The following PTPRN2 variants were observed in gnomAD, a reference collection of about 807,000 sequenced individuals.
PTPRN2 encodes receptor-type tyrosine-protein phosphatase N2.
In PTPRN2, 74 loss-of-function variants were observed where a neutral mutation model predicts 118.8. The ratio of observed to expected loss-of-function variants is 0.62; its 90% CI spans 0.52 to 0.76. The LOEUF is 0.76. Among genes scored for constraint, PTPRN2 ranks in the 30% least tolerant of loss-of-function variants. PTPRN2 has a pLI of 0.00. For synonymous variants in PTPRN2, 641 were observed against 608.0 expected, an observed-to-expected ratio of 1.05 and a Z score of -0.80; for missense variants, 1,481 against 1,394.4, an observed-to-expected ratio of 1.06 and a Z score of -0.99.
At chr7:157,643,451 C>T (rs1055917752) in intron 14 of PTPRN2, among the ~76,000 whole-genome samples, 1 of 152,242 alleles carries the variant, frequency 6.6e-6, no homozygotes, top group African/African-American at 2.4e-5. Flanking sequence ...CACTCTCTGC[C>T]TGTGTCACAA....
chr7:158,209,198 T>A (rs566012242), intron 3 of PTPRN2, among the ~76,000 whole-genome samples: 5 of 151,760 alleles, frequency 3.3e-5, no homozygotes, highest in African/African-American at 1.2e-4. Context: ...GAGTAAGTTC[T>A]TACCTATCAA....
chr7:157,674,138 G>C lies in PTPRN2; in HGVS notation c.2001+8587C>G, dbSNP rs1796546704. 6.6e-6 allele frequency among the ~76,000 whole-genome samples: 1 copy of C among 152,120 alleles called. No individual in the cohort carries two copies. The highest frequency in any genetic ancestry group is 2.4e-5 in the African/African-American group (1 of 41,416). ...CAGCTCTGGGGACCCCCACGTGTCA[G>C]CCATGGCAAAATGAACCCCCAACAC... On this transcript the variant is annotated intron_variant, in intron 13 of 22. Coordinates refer to ENST00000389418, the MANE Select transcript of PTPRN2 (RefSeq NM_002847.5). The surrounding 1 kb of genome is among the most constrained non-coding windows in gnomAD (Gnocchi z 4.5).
chr7:158,024,357 G>C (rs1015193962), intron 11 of PTPRN2, among the ~76,000 whole-genome samples: 2 of 152,182 alleles, frequency 1.3e-5, no homozygotes, highest in South Asian at 2.1e-4. Flanking sequence ...AAGAACACAG[G>C]TTCCCTGAGC....
chr7:157,541,468 C>G (rs769480107), intron 22 of PTPRN2, among the ~76,000 whole-genome samples: 2 of 152,244 alleles, frequency 1.3e-5, no homozygotes, highest in African/African-American at 2.4e-5. Context: ...GACGGGTTCA[C>G]GATGCCAGGA....
chr7:158,337,013 C>A (rs1302002938), intron 2 of PTPRN2, among the ~76,000 whole-genome samples: 2 of 101,528 alleles, frequency 2.0e-5, no homozygotes, highest in Non-Finnish European at 4.5e-5. Context: ...ACACTCTCAC[C>A]ATAAGAGCTG....
At chr7:157,802,237 G>A (rs767199129) in intron 12 of PTPRN2, among the ~76,000 whole-genome samples, 2 of 152,130 alleles carry the variant, frequency 1.3e-5, no homozygotes, top group East Asian at 1.9e-4. Context: ...GCCCCTTCCC[G>A]TGCTTCCCCC....
chr7:158,039,952 T>C (rs1808333993), intron 11 of PTPRN2, among the ~76,000 whole-genome samples: 1 of 151,938 alleles, frequency 6.6e-6, no homozygotes, highest in Non-Finnish European at 1.5e-5. Context: ...TCAAAATCAC[T>C]GTAACAGAGA....
rs766991239 is a variant in PTPRN2, at chr7:157,903,839, G to T, written c.1724-5102C>A. On this transcript the variant is annotated intron_variant, in intron 11 of 22. Transcript: ENST00000389418. This position sits in a 1 kb window ranked among gnomAD's most constrained non-coding sequence, Gnocchi z 4.2. ...GCAAGCGCTTCCCACACTTCAATCC[G>T]TCTCCCCATCCAGGCTGTGGATTTC... is the stretch of plus-strand genomic sequence containing the variant. 2.1e-4 allele frequency among the ~76,000 whole-genome samples: 32 copies of T among 152,098 alleles called. No homozygotes were observed. The highest frequency in any genetic ancestry group is 4.1e-4 in the Non-Finnish European group (28 of 68,020).
intron 18 of PTPRN2, 50 bp downstream of exon 18, chr7:157,577,971 G>T: frequency 6.6e-7 from 1 of 1,517,586 alleles, no homozygotes; most frequent in Non-Finnish European, 8.9e-7. Flanking sequence ...AGCAGGGCCC[G>T]TCCTCGTCCG....
At chr7:158,084,649 T>A (rs1022194658) in intron 10 of PTPRN2, among the ~76,000 whole-genome samples, 1 of 149,840 alleles carries the variant, frequency 6.7e-6, no homozygotes, top group Non-Finnish European at 1.5e-5. Flanking sequence ...ACGACACTCA[T>A]CCACATCCTC....
In PTPRN2 at chr7:157,831,050, C is replaced by G. The variant is rs1371445184; in HGVS notation, c.1788+67623G>C. On this transcript the variant is annotated intron_variant, in intron 12 of 22. Coordinates refer to ENST00000389418, the MANE Select transcript of PTPRN2 (RefSeq NM_002847.5). The surrounding 1 kb of genome is among the most constrained non-coding windows in gnomAD (Gnocchi z 4.8). Reference sequence around the variant, plus strand: ...ATGACTGAGAGCTCAAAGTTGGTGACTCTGGAGGAAGAGGGTGCAGGTGCT... The same window carrying G: ...ATGACTGAGAGCTCAAAGTTGGTGAGTCTGGAGGAAGAGGGTGCAGGTGCT... 1.3e-5 allele frequency among the ~76,000 whole-genome samples: 2 copies of G among 152,232 alleles called. No homozygotes were observed. Among genetic ancestry groups the G allele is most frequent in the Non-Finnish European group, 2.9e-5 (2 of 68,040 alleles).
intron 22 of PTPRN2, among the ~76,000 whole-genome samples, chr7:157,544,092 A>G (rs373114290): frequency 0.012 from 941 of 81,548 alleles, 3 homozygotes; most frequent in African/African-American, 0.023. Context: ...GAGAGAGGTG[A>G]AGAGAGGCGG....
At chr7:157,946,696 A>G (rs1233766434) in intron 11 of PTPRN2, among the ~76,000 whole-genome samples, 2 of 152,248 alleles carry the variant, frequency 1.3e-5, no homozygotes, top group Non-Finnish European at 2.9e-5. Context: ...ACTTTGAAGA[A>G]TTAAGGCAGA....
chr7:158,290,006 C>A (rs1008887493), intron 3 of PTPRN2, among the ~76,000 whole-genome samples: 6 of 152,136 alleles, frequency 3.9e-5, no homozygotes, highest in African/African-American at 1.4e-4. Flanking sequence ...GAACTTAGAG[C>A]CTGGCATCCG....
At chr7:157,919,350 G>A (rs1445808628) in intron 11 of PTPRN2, among the ~76,000 whole-genome samples, 3 of 152,142 alleles carry the variant, frequency 2.0e-5, no homozygotes, top group African/African-American at 7.2e-5. Context: ...AGAAGGAAAT[G>A]GAAACTAAAT....
intron 14 of PTPRN2, among the ~76,000 whole-genome samples, chr7:157,655,515 A>C (rs1421058062): frequency 1.3e-5 from 2 of 152,240 alleles, no homozygotes; most frequent in East Asian, 3.8e-4. Context: ...AGCAACTTAC[A>C]GGGTCCATCC....
At chr7:157,551,181 T>C (rs1403645933) in intron 21 of PTPRN2, among the ~76,000 whole-genome samples, 2 of 152,114 alleles carry the variant, frequency 1.3e-5, no homozygotes, top group Non-Finnish European at 2.9e-5. Flanking sequence ...CAGGTTAGTC[T>C]CAGTGTCACT....
intron 3 of PTPRN2, among the ~76,000 whole-genome samples, chr7:158,291,885 G>A (rs543901077): frequency 4.1e-4 from 62 of 152,294 alleles, no homozygotes; most frequent in African/African-American, 1.4e-3. Context: ...AAAGAAGAGG[G>A]GAGTGTAAAA....
chr7:158,324,611 C>A (rs1803333574), intron 2 of PTPRN2, among the ~76,000 whole-genome samples: 1 of 151,736 alleles, frequency 6.6e-6, no homozygotes, highest in Admixed American at 6.6e-5. Context: ...GCTCAGAGGG[C>A]CGATTGACCC....
Sources: allele counts gnomAD v4.1 joint callset (sites outside exome capture counted in the v4.1 genomes callset), GRCh38; gene constraint gnomAD v4.1.1; non-coding constraint Gnocchi (gnomAD v3.1); transcripts MANE v1.5; gene names NCBI Gene and HGNC (gene_info 2026-07-23, HGNC 2026-07-21).